Variants in SYT17 observed in about 807,000 individuals in gnomAD.
SYT17 encodes the protein synaptotagmin 17, also known as synaptotagmin-17.
Under a neutral mutation model 46.7 loss-of-function variants are expected in SYT17, and 22 were observed. The observed-to-expected ratio is 0.47, with a 90% CI of 0.34 to 0.67. The LOEUF (loss-of-function observed/expected upper bound fraction) is 0.67. Ranked by LOEUF, SYT17 falls within the 30% of genes least tolerant of loss-of-function variation. The pLI is 0.01. For missense variants in SYT17, 519 were observed against 612.8 expected, an observed-to-expected ratio of 0.85 and a Z score of 1.62; for synonymous variants, 251 against 248.4, an observed-to-expected ratio of 1.01 and a Z score of -0.10.
chr16:19,239,091 A>C (rs1966903968), intron 7 of SYT17, among the ~76,000 whole-genome samples: 1 of 152,072 alleles, frequency 6.6e-6, no homozygotes, highest in Admixed American at 6.5e-5. Flanking sequence ...CAGTCTGGGC[A>C]ACACAGAAAG....
chr16:19,181,163 A>T (rs1964541837), intron 4 of SYT17, among the ~76,000 whole-genome samples: 1 of 152,142 alleles, frequency 6.6e-6, no homozygotes. Flanking sequence ...TTTTATGTGA[A>T]ACATTCTTAC....
intron 3 of SYT17, among the ~76,000 whole-genome samples, chr16:19,179,382 A>T (rs867127576): frequency 2.0e-5 from 3 of 151,892 alleles, no homozygotes; most frequent in South Asian, 2.1e-4. Context: ...CTCCTGCCTT[A>T]GCTTCCCAAA....
chr16:19,231,555 A>G (rs1042112639), intron 7 of SYT17, among the ~76,000 whole-genome samples: 6 of 150,028 alleles, frequency 4.0e-5, no homozygotes, highest in African/African-American at 1.5e-4. Flanking sequence ...AAAAAAGAAA[A>G]GAAAAAAGTC....
intron 5 of SYT17, among the ~76,000 whole-genome samples, chr16:19,191,478 G>A (rs1965018080): frequency 6.6e-6 from 1 of 152,148 alleles, no homozygotes; most frequent in Admixed American, 6.5e-5. Flanking sequence ...ATCAGCTGGT[G>A]GCTTGATCTT....
intron 5 of SYT17, chr16:19,211,575 G>A: frequency 3.1e-6 from 2 of 655,404 alleles, no homozygotes; most frequent in Non-Finnish European, 5.6e-6. Flanking sequence ...GTTGAGTTGA[G>A]ATTCCCAGGG....
chr16:19,195,477 A>T (rs1216686186), intron 5 of SYT17, among the ~76,000 whole-genome samples: 2 of 149,974 alleles, frequency 1.3e-5, no homozygotes, highest in Non-Finnish European at 2.9e-5. Flanking sequence ...CCACTTTGAG[A>T]GGCTGAGGCA....
Position 19,183,646 on chromosome 16 carries a change from CG to C in SYT17, c.451del (p.Asp151ThrfsTer24), listed in dbSNP as rs1964647611. The C allele has an allele frequency of 6.2e-7, 1 of 1,614,038 alleles. No individual in the cohort carries two copies. Among genetic ancestry groups the C allele is most frequent in the Non-Finnish European group, 8.5e-7 (1 of 1,180,036 alleles). ...PSVLRRTYNP[D>X]DYFRKFEPHL... Reference sequence around the variant, plus strand: ...CGGTGCTCAGACGGACCTATAACCCCGACGACTATTTCAGGAAGTTCGAACC... The same window carrying C: ...CGGTGCTCAGACGGACCTATAACCCCACGACTATTTCAGGAAGTTCGAACC... On this transcript the variant is annotated frameshift_variant, in exon 5 of 8. Transcript: ENST00000355377. LOFTEE classifies it high-confidence loss of function. The surrounding 1 kb of genome is among the most constrained non-coding windows in gnomAD (Gnocchi z 5.6).
rs1289149908 is a variant in SYT17 at position 19,168,953 on chromosome 16, C to T, written c.15+292C>T. Among the ~76,000 whole-genome samples the T allele has an allele frequency of 2.6e-5, 4 of 151,186 alleles. No homozygotes were observed. In the East Asian group the frequency reaches 8.0e-4, roughly 30 times the overall value. On this transcript the variant is annotated intron_variant, in intron 1 of 7. Coordinates refer to ENST00000355377, the MANE Select transcript of SYT17 (RefSeq NM_016524.4). The surrounding 1 kb of genome is among the most constrained non-coding windows in gnomAD (Gnocchi z 6.9). ...GGCGGACTTTTCTTCTCCCCTGCCC[C>T]CTCCCTCTCCTTGGCACCCCACCCC...
intron 4 of SYT17, among the ~76,000 whole-genome samples, chr16:19,182,500 G>A (rs773821064): frequency 6.6e-6 from 1 of 152,236 alleles, no homozygotes; most frequent in African/African-American, 2.4e-5. Flanking sequence ...TAAGTTACAT[G>A]TGTGGCTTGC....
chr16:19,172,112 A>G (rs1964119550), intron 1 of SYT17: 2 of 165,886 alleles, frequency 1.2e-5, no homozygotes, highest in Non-Finnish European at 2.6e-5. Context: ...CACCTTAAAG[A>G]GAAGGAGGGA....
chr16:19,177,271 G>A (rs576474318), intron 3 of SYT17, among the ~76,000 whole-genome samples: 2 of 152,190 alleles, frequency 1.3e-5, no homozygotes, highest in East Asian at 3.9e-4. Context: ...CCATTCACAT[G>A]GTGGCCATTA....
intron 5 of SYT17, among the ~76,000 whole-genome samples, chr16:19,203,483 T>A (rs1965547772): frequency 6.6e-6 from 1 of 152,230 alleles, no homozygotes; most frequent in Admixed American, 6.5e-5. Context: ...AGCAAGGTGC[T>A]CAGCCCCAAG....
At chr16:19,218,078 C>A (rs1555459514) in intron 5 of SYT17, among the ~76,000 whole-genome samples, 1 of 152,148 alleles carries the variant, frequency 6.6e-6, no homozygotes, top group Non-Finnish European at 1.5e-5. Flanking sequence ...AGCTTGAATT[C>A]TTTCATCTGC....
intron 5 of SYT17, among the ~76,000 whole-genome samples, chr16:19,198,633 T>G (rs1209086036): frequency 6.6e-6 from 1 of 152,216 alleles, no homozygotes; most frequent in Admixed American, 6.5e-5. Flanking sequence ...TGGAGGAGAC[T>G]GTGTTCCATT....
chr16:19,184,303 G>C (rs1964688824), intron 5 of SYT17, among the ~76,000 whole-genome samples, 156 bp downstream of exon 5: 1 of 152,090 alleles, frequency 6.6e-6, no homozygotes, highest in Non-Finnish European at 1.5e-5. Context: ...ATAGCAGAGA[G>C]TTCCTGTGTC....
At chr16:19,193,718 C>G (rs1186958288) in intron 5 of SYT17, among the ~76,000 whole-genome samples, 1 of 152,176 alleles carries the variant, frequency 6.6e-6, no homozygotes, top group African/African-American at 2.4e-5. Context: ...AAGTGTCTCA[C>G]CACTGTGGGC....
intron 5 of SYT17, among the ~76,000 whole-genome samples, chr16:19,204,280 A>AC (rs954501834): frequency 1.5e-4 from 23 of 151,672 alleles, no homozygotes; most frequent in Admixed American, 9.2e-4. Context: ...GGGCACAATC[A>AC]CCCCCTTGAG....
Position 19,194,237 on chromosome 16 carries a change from G to C in SYT17, c.951+10090G>C, listed in dbSNP as rs72779554. 4.7e-3 allele frequency among the ~76,000 whole-genome samples: 714 copies of C among 152,274 alleles called. 3 individuals are homozygous for C. Among genetic ancestry groups the C allele is most frequent in the Admixed American group, 7.8e-3 (119 of 15,288 alleles). ...TGTCTTGGCAGCCATGTCTCTCTCTGAGCTTTTGGGGGAACGGATGACAAA... is the reference window on the plus strand; with the variant it reads ...TGTCTTGGCAGCCATGTCTCTCTCTCAGCTTTTGGGGGAACGGATGACAAA... On this transcript the variant is annotated intron_variant, in intron 5 of 7. Transcript: ENST00000355377.
chr16:19,227,426 G>A (rs547128454), intron 7 of SYT17, among the ~76,000 whole-genome samples: 120 of 150,006 alleles, frequency 8.0e-4, no homozygotes, highest in African/African-American at 2.8e-3. Flanking sequence ...AGCAATTCTC[G>A]TGCCTCAGCC....
Sources: gnomAD v4.1 joint callset for allele counts (sites outside exome capture counted in the v4.1 genomes callset) on GRCh38, gnomAD v4.1.1 for gene constraint, Gnocchi (gnomAD v3.1) non-coding constraint, MANE v1.5 for transcripts, NCBI Gene and HGNC (gene_info 2026-07-23, HGNC 2026-07-21) for gene names.